MYO9B: variants seen among roughly 807,000 people sequenced by gnomAD.
The protein encoded by MYO9B is myosin IXB, also known as unconventional myosin-IXb.
A neutral mutation model predicts 229.5 loss-of-function variants in MYO9B; 71 were observed. The observed-to-expected ratio is 0.31, with a 90% CI of 0.26 to 0.38. The LOEUF (loss-of-function observed/expected upper bound fraction) is 0.38, where lower values mean the gene tolerates loss of function less well. MYO9B is among the 10% of genes least tolerant of loss of function. The probability of loss-of-function intolerance (pLI) is 1.00; values close to 1 mark genes in which losing one functional copy is unlikely to be tolerated. For missense variants in MYO9B, 2,255 were observed against 2,920.5 expected (o/e 0.77, Z 5.25); for synonymous variants, 1,185 against 1,235.8 (o/e 0.96, Z 0.86).
intron 2 of MYO9B, among the ~76,000 whole-genome samples, chr19:17,116,236 G>A (rs2057902373): frequency 6.6e-6 from 1 of 152,202 alleles, no homozygotes; most frequent in Non-Finnish European, 1.5e-5. Context: ...GACTCAGTGG[G>A]AAGAGGATCA....
rs74536049 is a variant in MYO9B, at chr19:17,181,190, G to A, written c.2333+150G>A. ...GGCCCACCCCCAGCCATCACTAAAT[G>A]CCAATCAATAACACCCCTGGCCTCT... On this transcript the variant is annotated intron_variant, in intron 15 of 39. Transcript: ENST00000682292. The A allele has an allele frequency of 4.6e-4, 266 of 584,048 alleles. 1 individual carries two copies. The African/African-American group carries it at 4.7e-3, about 10-fold the overall frequency. 36.2% of individuals were successfully genotyped at this position (584,048 alleles called of 1,614,324 possible).
At chr19:17,209,738 C>G (rs1273238817) in intron 36 of MYO9B, 29 bp downstream of exon 36, 14 of 1,611,508 alleles carry the variant, frequency 8.7e-6, no homozygotes, top group Admixed American at 1.7e-5. Flanking sequence ...GGGGGCGGGA[C>G]CTCTTTGGTG....
intron 14 of MYO9B, 81 bp downstream of exon 14, chr19:17,175,822 T>TTA: frequency 1.9e-5 from 16 of 854,130 alleles, no homozygotes; most frequent in Non-Finnish European, 2.5e-5. Flanking sequence ...GAATGCTACA[T>TTA]TCTTTTTTTT....
At chr19:17,126,581 G>A (rs1161116115) in intron 2 of MYO9B, among the ~76,000 whole-genome samples, 3 of 152,046 alleles carry the variant, frequency 2.0e-5, no homozygotes, top group African/African-American at 7.2e-5. Flanking sequence ...ATGTGGCTGT[G>A]TGCCAGGAAA....
intron 1 of MYO9B, among the ~76,000 whole-genome samples, chr19:17,087,193 G>A (rs1015083569): frequency 6.6e-6 from 1 of 152,198 alleles, no homozygotes; most frequent in Admixed American, 6.5e-5. Context: ...AGACCCCAGG[G>A]CCTGGAGGGG....
At position 17,180,984 on chromosome 19, in the gene MYO9B, C is replaced by T. The variant is rs571856189; in HGVS notation, c.2277C>T (p.Asp759=). The T allele has an allele frequency of 3.1e-6, 5 of 1,611,208 alleles. No individual in the cohort carries two copies. In the East Asian group the frequency reaches 9.0e-5, roughly 29 times the overall value. Residue 759 remains aspartate, a synonymous_variant, in exon 15 of 40, where the codon GAC becomes GAT. Coordinates refer to ENST00000682292, the MANE Select transcript of MYO9B (RefSeq NM_004145.4). The part of the protein sequence containing the change: ...SIKGLPWQGE[D]PRSLLQSLSR... ...AAGGATTGCCCTGGCAGGGCGAGGA[C>T]CCCCGTAGCCTTCTCCAGTCCCTCA...
chr19:17,196,199 TGGAA>T (rs1352591917), intron 22 of MYO9B, among the ~76,000 whole-genome samples: 1 of 147,990 alleles, frequency 6.8e-6, no homozygotes, highest in African/African-American at 2.5e-5. Context: ...GAAGGATGGA[TGGAA>T]GGAAGATAGA....
chr19:17,123,337 C>T (rs1238766439), intron 2 of MYO9B, among the ~76,000 whole-genome samples: 1 of 151,930 alleles, frequency 6.6e-6, no homozygotes, highest in Admixed American at 6.6e-5. Context: ...GTTATGATGC[C>T]AAAAGCCTCA....
At chr19:17,092,713 AG>A (rs1190330093) in intron 1 of MYO9B, among the ~76,000 whole-genome samples, 3 of 134,498 alleles carry the variant, frequency 2.2e-5, no homozygotes, top group Non-Finnish European at 4.6e-5. Context: ...TGACAGAGCA[AG>A]GCTCCGTCAA....
chr19:17,132,427 T>G (rs1360911198), intron 2 of MYO9B, among the ~76,000 whole-genome samples: 3 of 150,812 alleles, frequency 2.0e-5, no homozygotes, highest in Admixed American at 1.3e-4. Flanking sequence ...CCTCAAGTGA[T>G]CCATCCACCT....
intron 1 of MYO9B, among the ~76,000 whole-genome samples, chr19:17,085,329 C>T (rs1436865400): frequency 6.6e-6 from 1 of 152,110 alleles, no homozygotes; most frequent in African/African-American, 2.4e-5. Context: ...GGCTGGGTCA[C>T]AGATGGGCAG....
At chr19:17,208,545 A>C (rs957404242) in intron 35 of MYO9B, among the ~76,000 whole-genome samples, 5 of 150,508 alleles carry the variant, frequency 3.3e-5, no homozygotes, top group Non-Finnish European at 7.4e-5. Context: ...CATTCTCCTG[A>C]CTCAGCCTCC....
At chr19:17,178,147 T>G (rs2072811801) in intron 14 of MYO9B, among the ~76,000 whole-genome samples, 1 of 152,118 alleles carries the variant, frequency 6.6e-6, no homozygotes, top group African/African-American at 2.4e-5. Flanking sequence ...CACTCGCATA[T>G]AGAGGTGACA....
chr19:17,128,999 G>T (rs1469912773), intron 2 of MYO9B, among the ~76,000 whole-genome samples: 1 of 152,204 alleles, frequency 6.6e-6, no homozygotes, highest in African/African-American at 2.4e-5. Flanking sequence ...CTCAGTGCCT[G>T]CATGGCCTTG....
At chr19:17,085,497 A>T (rs2057573561) in intron 1 of MYO9B, among the ~76,000 whole-genome samples, 1 of 152,100 alleles carries the variant, frequency 6.6e-6, no homozygotes, top group African/African-American at 2.4e-5. Context: ...GATAGGTGAT[A>T]GCTAAAAGGT....
chr19:17,134,846 C>G (rs1005727562), intron 2 of MYO9B, among the ~76,000 whole-genome samples: 1 of 152,196 alleles, frequency 6.6e-6, no homozygotes, highest in African/African-American at 2.4e-5. Context: ...TCACTGCAAC[C>G]TCCACCTCCT....
chr19:17,162,149 A>G (rs1341295746), intron 8 of MYO9B, among the ~76,000 whole-genome samples: 1 of 152,132 alleles, frequency 6.6e-6, no homozygotes, highest in Non-Finnish European at 1.5e-5. Context: ...TAGTAAAAAT[A>G]CAAAAATTAG....
intron 20 of MYO9B, among the ~76,000 whole-genome samples, chr19:17,191,506 G>A (rs1339527576): frequency 6.6e-6 from 1 of 152,208 alleles, no homozygotes; most frequent in Non-Finnish European, 1.5e-5. Context: ...GGATTTAGGA[G>A]ATGGTCAGTC....
At chr19:17,183,972 A>C in intron 16 of MYO9B, 104 bp downstream of exon 16, 2 of 1,105,478 alleles carry the variant, frequency 1.8e-6, no homozygotes, top group South Asian at 1.5e-5. Context: ...CCTCCTTCCC[A>C]CTATCTCCCC....
Sources: gnomAD v4.1 joint callset for allele counts (sites outside exome capture counted in the v4.1 genomes callset) on GRCh38, gnomAD v4.1.1 for gene constraint, MANE v1.5 for transcripts, NCBI Gene and HGNC (gene_info 2026-07-23, HGNC 2026-07-21) for gene names.